Variants in MCF2L2 observed in about 807,000 individuals in gnomAD.
MCF2L2 encodes the protein MCF.2 cell line derived transforming sequence-like 2.
A neutral mutation model predicts 150.2 loss-of-function variants in MCF2L2; 102 were observed. The observed-to-expected ratio is 0.68, with a 90% CI of 0.58 to 0.80. The LOEUF is 0.80. Among genes scored for constraint, MCF2L2 ranks in the 30% least tolerant of loss-of-function variants. The pLI, the probability that MCF2L2 is intolerant of heterozygous loss-of-function variation, is 0.00. For missense variants in MCF2L2, 1,256 were observed against 1,372.8 expected, an observed-to-expected ratio of 0.91 and a Z score of 1.34; for synonymous variants, 465 against 491.3, an observed-to-expected ratio of 0.95 and a Z score of 0.71.
rs1367531381 is a variant in MCF2L2, at chr3:183,218,583, G to GA, written c.2370+1272dup. Among the ~76,000 whole-genome samples, 9 of 152,204 alleles carry GA rather than the reference G, an allele frequency of 5.9e-5. No individual in the cohort carries two copies. The East Asian group carries it at 1.7e-3, about 29-fold the overall frequency. On this transcript the variant is annotated intron_variant, in intron 21 of 29. Transcript: ENST00000328913. ...CCGGGAGGCGGAGTTGCAGTGAGCCGAAACTGCGCCATTGCACTCCAGTCT... is the reference window on the plus strand; with the variant it reads ...CCGGGAGGCGGAGTTGCAGTGAGCCGAAAACTGCGCCATTGCACTCCAGTCT...
At chr3:183,327,520 T>G (rs2108525927) in intron 5 of MCF2L2, among the ~76,000 whole-genome samples, 1 of 152,314 alleles carries the variant, frequency 6.6e-6, no homozygotes, top group East Asian at 1.9e-4. Context: ...TCGCTCTTGT[T>G]ATTGATCTTT....
At chr3:183,330,981 C>T (rs1019285924) in intron 5 of MCF2L2, among the ~76,000 whole-genome samples, 5 of 152,062 alleles carry the variant, frequency 3.3e-5, no homozygotes, top group Non-Finnish European at 7.4e-5. Flanking sequence ...CCCGCCACCC[C>T]CACCCCAGGG....
chr3:183,361,031 A>AC (rs1180457850), intron 3 of MCF2L2, among the ~76,000 whole-genome samples: 16 of 150,772 alleles, frequency 1.1e-4, no homozygotes, highest in African/African-American at 3.2e-4. Context: ...AAGAGAAAAG[A>AC]AAAGGAAGAA....
intron 15 of MCF2L2, among the ~76,000 whole-genome samples, chr3:183,275,440 G>A (rs969397189): frequency 2.6e-5 from 4 of 152,204 alleles, no homozygotes; most frequent in African/African-American, 7.2e-5. Context: ...AACAAAAACA[G>A]TAGTCTTACA....
rs1046088691 is a variant in MCF2L2, at chr3:183,181,801, C to T, written c.3017-1642G>A. On this transcript the variant is annotated intron_variant, in intron 27 of 29. Coordinates refer to ENST00000328913, the MANE Select transcript of MCF2L2 (RefSeq NM_015078.4). This position sits in a 1 kb window ranked among gnomAD's most constrained non-coding sequence, Gnocchi z 4.3. ...ATAGAGCCACCCACTGGGAGGCTGG[C>T]GGTTGGGCCTGGCTCAGGAGCCTTC... is the stretch of plus-strand genomic sequence containing the variant. 3.3e-5 allele frequency among the ~76,000 whole-genome samples: 5 copies of T among 152,046 alleles called. No homozygotes were observed. The highest frequency in any genetic ancestry group is 2.1e-4 in the South Asian group (1 of 4,824).
intron 1 of MCF2L2, among the ~76,000 whole-genome samples, chr3:183,415,446 C>T (rs1715539404): frequency 6.6e-6 from 1 of 152,190 alleles, no homozygotes; most frequent in African/African-American, 2.4e-5. Context: ...CTCGGCCTCC[C>T]AAAGTGCTGG....
chr3:183,413,886 C>T (rs1260097364), intron 1 of MCF2L2, among the ~76,000 whole-genome samples: 1 of 152,140 alleles, frequency 6.6e-6, no homozygotes, highest in African/African-American at 2.4e-5. Flanking sequence ...CTTAAGTGGG[C>T]TGAGGAGGAG....
Position 183,389,680 on chromosome 3 carries a change from T to TGAATGTGCCCCTTACCTGAAA in MCF2L2, c.155_160+15dup. 6.2e-7 allele frequency: 1 copy of TGAATGTGCCCCTTACCTGAAA among 1,611,312 alleles called. No individual in the cohort carries two copies. The highest frequency in any genetic ancestry group is 1.7e-5 in the Admixed American group (1 of 60,002). On this transcript the variant is annotated intron_variant, in intron 2 of 29. Coordinates refer to ENST00000328913, the MANE Select transcript of MCF2L2 (RefSeq NM_015078.4). ...CCCCATCAAAATCTGGAAATGCAAA[T>TGAATGTGCCCCTTACCTGAAA]GAATGTGCCCCTTACCTGAAAGAAT...
intron 1 of MCF2L2, among the ~76,000 whole-genome samples, chr3:183,402,920 A>G (rs1320585931): frequency 7.5e-6 from 1 of 133,180 alleles, no homozygotes; most frequent in Non-Finnish European, 1.7e-5. Flanking sequence ...AAAACCACTA[A>G]AAGATACTTA....
intron 5 of MCF2L2, among the ~76,000 whole-genome samples, chr3:183,327,182 G>C (rs908929959): frequency 6.6e-6 from 1 of 151,942 alleles, no homozygotes; most frequent in Non-Finnish European, 1.5e-5. Context: ...AAAATTAGCC[G>C]GGCGTGGTGG....
rs1055558308 is a variant in MCF2L2 at position 183,257,833 on chromosome 3, T to A, written c.1862+19039A>T. Among the ~76,000 whole-genome samples the A allele has an allele frequency of 5.3e-5, 8 of 152,216 alleles. No individual in the cohort carries two copies. In the South Asian group the frequency reaches 1.5e-3, roughly 28 times the overall value. On this transcript the variant is annotated intron_variant, in intron 15 of 29. Transcript: ENST00000328913. ...TCCGTTTTTTCCCTTTACCCTAACT[T>A]CTAGCCAAACTAAGTGATTTGACAT...
At chr3:183,395,511 A>G (rs781026412) in intron 1 of MCF2L2, among the ~76,000 whole-genome samples, 2 of 152,236 alleles carry the variant, frequency 1.3e-5, no homozygotes, top group African/African-American at 2.4e-5. Context: ...TTTTTATGCT[A>G]TTGGTACTTT....
At position 183,180,171 on chromosome 3, in the gene MCF2L2, A is replaced by T; in HGVS notation, c.3017-12T>A. ...CCTGCTGGAGCAGCCTTAGGGAGAG[A>T]AAGGGAAGGATGGGGCCTCTGTGGG... On this transcript the variant is annotated splice_polypyrimidine_tract_variant and intron_variant, in intron 27 of 29. Coordinates refer to ENST00000328913, the MANE Select transcript of MCF2L2 (RefSeq NM_015078.4). 1 of 1,581,356 alleles carries T rather than the reference A, an allele frequency of 6.3e-7. No homozygotes were observed. Among genetic ancestry groups the T allele is most frequent in the Non-Finnish European group, 8.7e-7 (1 of 1,151,008 alleles).
At chr3:183,426,076 A>G (rs1367892593) in intron 1 of MCF2L2, among the ~76,000 whole-genome samples, 1 of 152,234 alleles carries the variant, frequency 6.6e-6, no homozygotes, top group African/African-American at 2.4e-5. Flanking sequence ...AGGAGACAGA[A>G]TCTTGCAAAG....
chr3:183,257,251 G>A (rs544697636), intron 15 of MCF2L2, among the ~76,000 whole-genome samples: 1 of 152,262 alleles, frequency 6.6e-6, no homozygotes, highest in South Asian at 2.1e-4. Context: ...ACTAGTAAAT[G>A]GAGAGGCACA....
At chr3:183,386,931 C>T (rs1387111885) in intron 2 of MCF2L2, among the ~76,000 whole-genome samples, 1 of 152,194 alleles carries the variant, frequency 6.6e-6, no homozygotes, top group Non-Finnish European at 1.5e-5. Context: ...TAATTACTAT[C>T]ACAGCGAATC....
chr3:183,210,384 A>G (rs962891969), intron 22 of MCF2L2, among the ~76,000 whole-genome samples: 2 of 152,218 alleles, frequency 1.3e-5, no homozygotes, highest in Non-Finnish European at 2.9e-5. Context: ...TCTAATAGCA[A>G]TACAGAGGGA....
chr3:183,337,478 A>T (rs553041600), intron 5 of MCF2L2, among the ~76,000 whole-genome samples: 2 of 148,476 alleles, frequency 1.3e-5, no homozygotes, highest in Non-Finnish European at 3.0e-5. Context: ...GCTTGAACCC[A>T]GGAGGTGGAG....
intron 1 of MCF2L2, among the ~76,000 whole-genome samples, chr3:183,390,888 C>T (rs964282435): frequency 6.6e-6 from 1 of 151,852 alleles, no homozygotes; most frequent in Non-Finnish European, 1.5e-5. Flanking sequence ...CAGATGGAGA[C>T]CCTGTCTCAA....
Sources: allele counts gnomAD v4.1 joint callset (sites outside exome capture counted in the v4.1 genomes callset), GRCh38; gene constraint gnomAD v4.1.1; non-coding constraint Gnocchi (gnomAD v3.1); transcripts MANE v1.5; gene names NCBI Gene and HGNC (gene_info 2026-07-23, HGNC 2026-07-21).